TCERG1: variants seen among roughly 807,000 people sequenced by gnomAD.
TCERG1 encodes the protein TATA box binding protein (TBP)-associated factor, RNA polymerase II, S, 150kD.
A neutral mutation model predicts 144.7 loss-of-function variants in TCERG1; 37 were observed. The ratio of observed to expected loss-of-function variants is 0.26; its 90% CI spans 0.20 to 0.34. TCERG1 has a LOEUF of 0.34. Among genes scored for constraint, TCERG1 ranks in the 10% least tolerant of loss-of-function variants. TCERG1 has a pLI of 1.00. For missense variants in TCERG1, 1,027 were observed against 1,380.7 expected, an observed-to-expected ratio of 0.74 and a Z score of 4.06; for synonymous variants, 492 against 458.2, an observed-to-expected ratio of 1.07 and a Z score of -0.94.
chr5:146,487,009 G>A (rs1017720572), intron 15 of TCERG1, among the ~76,000 whole-genome samples: 5 of 152,062 alleles, frequency 3.3e-5, no homozygotes, highest in African/African-American at 7.2e-5. Flanking sequence ...AGAATTGCTT[G>A]AATCCAGGAA....
intron 15 of TCERG1, among the ~76,000 whole-genome samples, chr5:146,492,228 C>G (rs1445548822): frequency 6.6e-6 from 1 of 152,076 alleles, no homozygotes; most frequent in East Asian, 1.9e-4. Context: ...TGAGGAGATT[C>G]TGGTTTCAGA....
intron 5 of TCERG1, 125 bp downstream of exon 5, chr5:146,463,918 A>G: frequency 7.6e-7 from 1 of 1,319,388 alleles, no homozygotes; most frequent in South Asian, 1.4e-5. Flanking sequence ...TTTTTGAAAG[A>G]TTCATGGCTA....
intron 15 of TCERG1, among the ~76,000 whole-genome samples, chr5:146,490,341 T>C (rs1303913621): frequency 6.6e-6 from 1 of 152,206 alleles, no homozygotes; most frequent in African/African-American, 2.4e-5. Context: ...TTGTACTTGT[T>C]ATAAAGATGT....
Position 146,469,658 on chromosome 5 carries a change from A to C in TCERG1, c.1313A>C (p.Tyr438Ser). 6.2e-7 allele frequency: 1 copy of C among 1,613,500 alleles called. No individual in the cohort carries two copies. The highest frequency in any genetic ancestry group is 8.5e-7 in the Non-Finnish European group (1 of 1,179,644). ...GATAVSEWTE[Y>S]KTADGKTYYY... Reference sequence around the variant, plus strand: ...ACAGCAGTTTCTGAATGGACTGAATATAAAACAGCAGATGGGAAGACATAT... The same window carrying C: ...ACAGCAGTTTCTGAATGGACTGAATCTAAAACAGCAGATGGGAAGACATAT... The change falls in exon 7 of 23, where the codon TAT (tyrosine) becomes TCT (serine). Residue 438 changes from tyrosine to serine, a missense_variant. Tyr to Ser is a moderately radical substitution (Grantham distance 144). Transcript: ENST00000679501.
intron 16 of TCERG1, among the ~76,000 whole-genome samples, chr5:146,497,560 T>A (rs946021364): frequency 6.6e-6 from 1 of 152,216 alleles, no homozygotes; most frequent in African/African-American, 2.4e-5. Flanking sequence ...TTTGTATATT[T>A]AGTGATTTTT....
At chr5:146,472,816 C>T (rs146870264) in intron 9 of TCERG1, among the ~76,000 whole-genome samples, 7 of 152,044 alleles carry the variant, frequency 4.6e-5, no homozygotes, top group African/African-American at 1.4e-4. Context: ...TGGGTTCAAG[C>T]GATTCTTCTG....
chr5:146,510,200 T>A, intron 22 of TCERG1: 1 of 844,510 alleles, frequency 1.2e-6, no homozygotes, highest in Non-Finnish European at 1.7e-6. Flanking sequence ...CCCTCAGCCC[T>A]GATCTGGAGG....
At chr5:146,474,284 A>G (rs1280743602) in intron 9 of TCERG1, among the ~76,000 whole-genome samples, 1 of 152,178 alleles carries the variant, frequency 6.6e-6, no homozygotes, top group Non-Finnish European at 1.5e-5. Flanking sequence ...ATGTGATGGA[A>G]ATAGCAAGAG....
At chr5:146,486,090 G>C (rs73793188) in intron 15 of TCERG1, among the ~76,000 whole-genome samples, 1 of 151,970 alleles carries the variant, frequency 6.6e-6, no homozygotes, top group African/African-American at 2.4e-5. Context: ...AAATAAACAC[G>C]TTTTTTGAAT....
At chr5:146,485,788 G>A (rs1441355982) in intron 15 of TCERG1, among the ~76,000 whole-genome samples, 1 of 152,122 alleles carries the variant, frequency 6.6e-6, no homozygotes, top group Non-Finnish European at 1.5e-5. Context: ...CTGCCTCTCA[G>A]GGTTCAAGTG....
intron 9 of TCERG1, among the ~76,000 whole-genome samples, chr5:146,472,728 T>TGTGTGTGTGTGTG (rs1561660643): frequency 2.0e-5 from 3 of 150,548 alleles, no homozygotes; most frequent in South Asian, 4.3e-4. Context: ...TGTGTGTGTG[T>TGTGTGTGTGTGTG]TTTGAGACGG....
chr5:146,455,529 C>G (rs571579847), intron 2 of TCERG1, among the ~76,000 whole-genome samples: 360 of 152,300 alleles, frequency 2.4e-3, no homozygotes, highest in African/African-American at 8.1e-3. Flanking sequence ...ATAGTTTTTA[C>G]CTACCTTTAG....
chr5:146,470,617 A>G lies in TCERG1; in HGVS notation c.1400-19A>G, dbSNP rs771682134. ...TACGTCAAAACCTTTGAGTGACATT[A>G]TCTTAATTTTTTTCATAGAAAAGTT... On this transcript the variant is annotated intron_variant, in intron 7 of 22. Transcript: ENST00000679501. 13 of 1,579,902 alleles carry G rather than the reference A, an allele frequency of 8.2e-6. No homozygotes were observed. In the Admixed American group the frequency reaches 1.9e-4, roughly 23 times the overall value.
intron 4 of TCERG1, among the ~76,000 whole-genome samples, chr5:146,460,959 A>G (rs1274540654): frequency 6.6e-6 from 1 of 152,154 alleles, no homozygotes; most frequent in Non-Finnish European, 1.5e-5. Context: ...TAATGGGAGA[A>G]GGGGATTAAT....
At chr5:146,476,289 C>T (rs1375110765) in intron 9 of TCERG1, among the ~76,000 whole-genome samples, 2 of 152,174 alleles carry the variant, frequency 1.3e-5, no homozygotes, top group African/African-American at 4.8e-5. Context: ...TTTATTGAAC[C>T]TCATCATCTA....
At position 146,503,363 on chromosome 5, in the gene TCERG1, T is replaced by G. The variant is rs759402120; in HGVS notation, c.2434-12T>G. 14 of 1,610,760 alleles carry G rather than the reference T, an allele frequency of 8.7e-6. No homozygotes were observed. Among genetic ancestry groups the G allele is most frequent in the Non-Finnish European group, 1.2e-5 (14 of 1,177,884 alleles). On this transcript the variant is annotated splice_polypyrimidine_tract_variant and intron_variant, in intron 17 of 22. Coordinates refer to ENST00000679501, the MANE Select transcript of TCERG1 (RefSeq NM_001382548.1). ...TTTTCCCTCCCATCCCACTACCTGT[T>G]TTAAAATACAGATTAAATCGGATTT... is the stretch of plus-strand genomic sequence containing the variant.
In TCERG1 at chr5:146,455,118, G is replaced by A. The variant is rs1272061357; in HGVS notation, c.122G>A (p.Arg41Gln). 5 of 1,614,190 alleles carry A rather than the reference G, an allele frequency of 3.1e-6. No homozygotes were observed. Among genetic ancestry groups the A allele is most frequent in the Non-Finnish European group, 4.2e-6 (5 of 1,180,034 alleles). Residue 41 changes from arginine to glutamine, a missense_variant, in exon 2 of 23, where the codon CGA (arginine) becomes CAA (glutamine). Arg to Gln is a conservative substitution (Grantham distance 43, BLOSUM62 1). Coordinates refer to ENST00000679501, the MANE Select transcript of TCERG1 (RefSeq NM_001382548.1). ...GCTCCCCCACCAAATGCAGTGATGCGAGGCCCACCACCTCTGATGCGACCT... is the reference window on the plus strand; with the variant it reads ...GCTCCCCCACCAAATGCAGTGATGCAAGGCCCACCACCTCTGATGCGACCT... Reference protein sequence around the residue: ...GPAPPPNAVMRGPPPLMRPPP... With the variant: ...GPAPPPNAVMQGPPPLMRPPP...
chr5:146,507,576 C>T lies in TCERG1; in HGVS notation c.2962-297C>T. 3.1e-6 allele frequency: 1 copy of T among 324,616 alleles called. No individual in the cohort carries two copies. The highest frequency in any genetic ancestry group is 5.5e-6 in the Non-Finnish European group (1 of 180,990). The allele number at this position is 324,616 out of a possible 1,614,324, so 20.1% of individuals were successfully genotyped here. A position where few individuals can be genotyped will look rare whatever the true frequency, so the allele number is the denominator to read the frequency against. Reference sequence around the variant, plus strand: ...TCCAGGTTTTGTTCCTTTTTATTTGCTCTCTTTTTGGTGATGGTTTCTTCA... The same window carrying T: ...TCCAGGTTTTGTTCCTTTTTATTTGTTCTCTTTTTGGTGATGGTTTCTTCA... On this transcript the variant is annotated intron_variant, in intron 20 of 22. Transcript: ENST00000679501. The surrounding 1 kb of genome is among the most constrained non-coding windows in gnomAD (Gnocchi z 4.6).
intron 17 of TCERG1, among the ~76,000 whole-genome samples, chr5:146,501,661 A>T (rs1387547673): frequency 6.6e-6 from 1 of 152,178 alleles, no homozygotes; most frequent in Non-Finnish European, 1.5e-5. Context: ...AAAGTAGACA[A>T]GATGAACAGA....
Sources: gnomAD v4.1 joint callset for allele counts (sites outside exome capture counted in the v4.1 genomes callset) on GRCh38, gnomAD v4.1.1 for gene constraint, Gnocchi (gnomAD v3.1) non-coding constraint, MANE v1.5 for transcripts, NCBI Gene and HGNC (gene_info 2026-07-23, HGNC 2026-07-21) for gene names.